NRXN3: variants seen among roughly 807,000 people sequenced by gnomAD.
The protein encoded by NRXN3 is neurexin 3.
A neutral mutation model predicts 137.6 loss-of-function variants in NRXN3; 32 were observed. That is an observed-to-expected ratio of 0.23 (90% confidence interval 0.18 to 0.31). The LOEUF (loss-of-function observed/expected upper bound fraction) is 0.31. Ranked by LOEUF, NRXN3 falls within the 10% of genes least tolerant of loss-of-function variation. The probability of loss-of-function intolerance (pLI) is 1.00; values close to 1 mark genes in which losing one functional copy is unlikely to be tolerated. For missense variants in NRXN3, 1,574 were observed against 2,062.5 expected (o/e 0.76, Z 4.59); for synonymous variants, 798 against 784.5 (o/e 1.02, Z -0.29).
At position 79,053,808 on chromosome 14, in the gene NRXN3, G is replaced by A. The variant is rs144517306; in HGVS notation, c.3262+65667G>A. Among the ~76,000 whole-genome samples, 551 of 152,214 alleles carry A rather than the reference G, an allele frequency of 3.6e-3. 2 individuals are homozygous for A. Among genetic ancestry groups the A allele is most frequent in the African/African-American group, 0.013 (527 of 41,542 alleles). ...CAGCAGGATAATGGTTATGGTAGAG[G>A]TGGAGAGAAATATGAAGTTGGAATG... On this transcript the variant is annotated intron_variant, in intron 15 of 20. Transcript: ENST00000335750.
intron 19 of NRXN3, among the ~76,000 whole-genome samples, chr14:79,783,757 G>A (rs983733419): frequency 6.6e-5 from 10 of 152,124 alleles, no homozygotes; most frequent in Non-Finnish European, 1.0e-4. Flanking sequence ...CACATTGTCT[G>A]TGCTTTGTAG....
chr14:78,946,484 C>A (rs1284501698), intron 10 of NRXN3, among the ~76,000 whole-genome samples: 1 of 152,184 alleles, frequency 6.6e-6, no homozygotes, highest in East Asian at 1.9e-4. Flanking sequence ...TCCTTTAGAA[C>A]AGTGAGTGTA....
At chr14:78,249,768 G>A (rs1185050466) in intron 2 of NRXN3, among the ~76,000 whole-genome samples, 1 of 152,036 alleles carries the variant, frequency 6.6e-6, no homozygotes, top group African/African-American at 2.4e-5. Context: ...AAACTCCTAT[G>A]AAGTTAATAC....
intron 2 of NRXN3, among the ~76,000 whole-genome samples, chr14:78,244,147 C>T (rs1342861858): frequency 3.3e-5 from 5 of 152,180 alleles, no homozygotes; most frequent in South Asian, 2.1e-4. Context: ...TTGGGAATTT[C>T]GGCTAGGCAA....
intron 4 of NRXN3, among the ~76,000 whole-genome samples, chr14:78,629,750 A>C (rs1334820664): frequency 6.6e-6 from 1 of 152,246 alleles, no homozygotes; most frequent in African/African-American, 2.4e-5. Flanking sequence ...GTGAGGTGCT[A>C]TGGAATCTCA....
intron 15 of NRXN3, among the ~76,000 whole-genome samples, chr14:79,110,302 G>A (rs569575685): frequency 2.6e-5 from 4 of 152,298 alleles, no homozygotes; most frequent in South Asian, 2.1e-4. Context: ...TCTGCGAGAC[G>A]GCTTGTGTGA....
At chr14:78,377,904 AACC>A (rs1209571037) in intron 4 of NRXN3, among the ~76,000 whole-genome samples, 1 of 152,208 alleles carries the variant, frequency 6.6e-6, no homozygotes, top group Non-Finnish European at 1.5e-5. Context: ...AATAACTCAA[AACC>A]ACTACCAACT....
intron 15 of NRXN3, among the ~76,000 whole-genome samples, chr14:79,212,149 C>T (rs1241325347): frequency 6.6e-6 from 1 of 152,132 alleles, no homozygotes; most frequent in Non-Finnish European, 1.5e-5. Flanking sequence ...GTCTCAGCAG[C>T]CAGGAAAACA....
chr14:79,279,621 C>G (rs2080918678), intron 15 of NRXN3: 1 of 987,180 alleles, frequency 1.0e-6, no homozygotes, highest in African/African-American at 1.7e-5. Context: ...GCTGCTGCTG[C>G]TGGTTTTCAT....
intron 4 of NRXN3, among the ~76,000 whole-genome samples, chr14:78,629,826 A>G (rs1290516032): frequency 6.6e-6 from 1 of 152,248 alleles, no homozygotes. Flanking sequence ...TTAGCAGAAA[A>G]TAATGACTTT....
intron 8 of NRXN3, among the ~76,000 whole-genome samples, chr14:78,742,598 A>G (rs73317963): frequency 0.017 from 2,612 of 152,246 alleles, 73 homozygotes; most frequent in African/African-American, 0.058. Context: ...TGGAACTTTG[A>G]CCAGATTTTC....
intron 15 of NRXN3, among the ~76,000 whole-genome samples, chr14:79,237,439 T>C (rs2073577193): frequency 6.6e-6 from 1 of 151,616 alleles, no homozygotes; most frequent in Non-Finnish European, 1.5e-5. Context: ...CAACCAACAG[T>C]GGGGTGCAGG....
At chr14:78,450,001 C>T (rs534701536) in intron 4 of NRXN3, among the ~76,000 whole-genome samples, 27 of 152,284 alleles carry the variant, frequency 1.8e-4, no homozygotes, top group South Asian at 1.5e-3. Context: ...CTTAAGCACA[C>T]GTCAATCAGC....
At chr14:79,723,173 T>A (rs1294344902) in intron 19 of NRXN3, among the ~76,000 whole-genome samples, 1 of 152,126 alleles carries the variant, frequency 6.6e-6, no homozygotes, top group East Asian at 1.9e-4. Context: ...CTTGGAAATA[T>A]CTTGCCTTTA....
At chr14:79,709,141 G>T (rs748041289) in intron 19 of NRXN3, among the ~76,000 whole-genome samples, 9 of 152,096 alleles carry the variant, frequency 5.9e-5, no homozygotes, top group Non-Finnish European at 1.0e-4. Context: ...ATCTCAGATC[G>T]TGCACTTCTA....
At chr14:79,637,693 A>G (rs1336967273) in intron 16 of NRXN3, among the ~76,000 whole-genome samples, 1 of 146,768 alleles carries the variant, frequency 6.8e-6, no homozygotes, top group African/African-American at 2.6e-5. Context: ...TGTAATTTTG[A>G]TGCTCTAAGA....
At chr14:79,852,989 T>G (rs535669445) in intron 20 of NRXN3, among the ~76,000 whole-genome samples, 1 of 152,132 alleles carries the variant, frequency 6.6e-6, no homozygotes, top group Admixed American at 6.6e-5. Flanking sequence ...CCCCACTCCC[T>G]CTTTAAATGT....
chr14:79,257,556 GTGA>G (rs2076920147), intron 15 of NRXN3, among the ~76,000 whole-genome samples: 2 of 107,770 alleles, frequency 1.9e-5, no homozygotes, highest in African/African-American at 4.1e-5. Flanking sequence ...GGTGGTGGTG[GTGA>G]TGGTGGTGGT....
chr14:78,421,244 A>G (rs2093430262), intron 4 of NRXN3, among the ~76,000 whole-genome samples: 1 of 149,708 alleles, frequency 6.7e-6, no homozygotes, highest in South Asian at 2.1e-4. Context: ...GCCTGGTGAC[A>G]GACTGAGACT....
Sources: gnomAD v4.1 joint callset for allele counts (sites outside exome capture counted in the v4.1 genomes callset) on GRCh38, gnomAD v4.1.1 for gene constraint, MANE v1.5 for transcripts, NCBI Gene and HGNC (gene_info 2026-07-23, HGNC 2026-07-21) for gene names.